The following PTPRZ1 variants were observed in gnomAD, a reference collection of about 807,000 sequenced individuals.
PTPRZ1 encodes protein tyrosine phosphatase receptor type Z1, also known as receptor-type tyrosine-protein phosphatase zeta.
PTPRZ1 carries 82 observed loss-of-function variants against 214.1 expected under a neutral mutation model. The ratio of observed to expected loss-of-function variants is 0.38; its 90% confidence interval spans 0.32 to 0.46. The LOEUF (loss-of-function observed/expected upper bound fraction) is 0.46. PTPRZ1 is among the 20% of genes least tolerant of loss of function. The pLI, the probability that PTPRZ1 is intolerant of heterozygous loss-of-function variation, is 1.00. For missense variants in PTPRZ1, 2,603 were observed against 2,748.7 expected (o/e 0.95, Z 1.19); for synonymous variants, 945 against 987.9 (o/e 0.96, Z 0.81).
Position 121,983,685 on chromosome 7 carries a change from C to G in PTPRZ1, c.640C>G (p.Pro214Ala). 6.2e-7 allele frequency: 1 copy of G among 1,612,630 alleles called. No individual in the cohort carries two copies. The highest frequency in any genetic ancestry group is 8.5e-7 in the Non-Finnish European group (1 of 1,179,552). The change falls in exon 7 of 30, where the codon CCA becomes GCA. Residue 214 changes from proline to alanine, a missense_variant. Pro to Ala is a conservative substitution (Grantham distance 27, BLOSUM62 -1). Around this residue, in one of 6 missense-constraint regions of PTPRZ1, gnomAD observed 244 missense variants for 333.2 expected, o/e 0.73. Coordinates refer to ENST00000393386, the MANE Select transcript of PTPRZ1 (RefSeq NM_002851.3). ...TTTAGGGAAGCAGGCTGCTTTAGAT[C>G]CATTCATACTGTTGAACCTTCTGCC... ...SRFGKQAALD[P>A]FILLNLLPNS...
chr7:121,901,864 A>C (rs2116266469), intron 1 of PTPRZ1, among the ~76,000 whole-genome samples: 1 of 152,348 alleles, frequency 6.6e-6, no homozygotes, highest in East Asian at 1.9e-4. Flanking sequence ...AAAAACATTA[A>C]AAATTCCCTA....
chr7:122,055,912 AATATTT>A (rs1792336729), intron 27 of PTPRZ1, among the ~76,000 whole-genome samples: 1 of 151,934 alleles, frequency 6.6e-6, no homozygotes, highest in Non-Finnish European at 1.5e-5. Context: ...TATCCTCTAG[AATATTT>A]AAATGACCAA....
intron 1 of PTPRZ1, among the ~76,000 whole-genome samples, chr7:121,889,285 G>T (rs1794505411): frequency 6.6e-6 from 1 of 152,018 alleles, no homozygotes; most frequent in Non-Finnish European, 1.5e-5. Flanking sequence ...TGAAGTTTTT[G>T]ATAAGGATAT....
At chr7:121,942,906 A>G (rs1169837477) in intron 2 of PTPRZ1, among the ~76,000 whole-genome samples, 1 of 152,220 alleles carries the variant, frequency 6.6e-6, no homozygotes, top group Non-Finnish European at 1.5e-5. Flanking sequence ...TAAATATTAA[A>G]CTTTGCCAAG....
chr7:122,039,400 CT>C, intron 19 of PTPRZ1, 53 bp from the exon 20 acceptor site: 3 of 1,587,866 alleles, frequency 1.9e-6, no homozygotes, highest in Non-Finnish European at 2.6e-6. Context: ...CAGGGAATGA[CT>C]TTTACATGGA....
rs1410674407 is a variant in PTPRZ1, at chr7:121,911,787, CAT to C, written c.59-16362_59-16361del. On this transcript the variant is annotated intron_variant, in intron 1 of 29. Coordinates refer to ENST00000393386, the MANE Select transcript of PTPRZ1 (RefSeq NM_002851.3). ...ATTTTGGAAACTTTAATTTTATACA[CAT>C]ATATATGAAATATGTTCATATGAAA... Among the ~76,000 whole-genome samples the C allele has an allele frequency of 3.3e-5, 5 of 151,934 alleles. No individual in the cohort carries two copies. In the South Asian group the frequency reaches 1.0e-3, roughly 32 times the overall value.
chr7:121,958,914 C>T (rs1325292311), intron 2 of PTPRZ1, among the ~76,000 whole-genome samples: 1 of 152,142 alleles, frequency 6.6e-6, no homozygotes, highest in Non-Finnish European at 1.5e-5. Context: ...ACCTCCGCCT[C>T]CCAGGTTCAA....
chr7:122,004,394 T>A (rs1798418666), intron 10 of PTPRZ1, among the ~76,000 whole-genome samples: 1 of 152,038 alleles, frequency 6.6e-6, no homozygotes, highest in Non-Finnish European at 1.5e-5. Flanking sequence ...AGATCAAGAT[T>A]TGGGTAGAGT....
At chr7:122,060,798 T>G (rs767228769) in intron 29 of PTPRZ1, among the ~76,000 whole-genome samples, 1 of 152,210 alleles carries the variant, frequency 6.6e-6, no homozygotes, top group Non-Finnish European at 1.5e-5. Context: ...AACAGAACCC[T>G]GTCTCATCAC....
intron 27 of PTPRZ1, among the ~76,000 whole-genome samples, chr7:122,058,506 G>C (rs149926896): frequency 1.3e-5 from 2 of 152,050 alleles, no homozygotes; most frequent in Non-Finnish European, 2.9e-5. Flanking sequence ...ATACATCTTT[G>C]ATACATAGTT....
chr7:122,048,301 A>G (rs1792062345), intron 23 of PTPRZ1, among the ~76,000 whole-genome samples: 1 of 152,154 alleles, frequency 6.6e-6, no homozygotes, highest in Admixed American at 6.5e-5. Flanking sequence ...ATTAAAATAG[A>G]CAAACCTGTG....
Position 122,013,141 on chromosome 7 carries a change from T to C in PTPRZ1, c.4095T>C (p.His1365=). The change falls in exon 12 of 30, where the codon CAT becomes CAC. Residue 1365 remains histidine, a synonymous_variant. Transcript: ENST00000393386. ...VASDTFVSTD[H]SVPIGNGHVA... ...CTGATACATTTGTATCTACTGATCA[T>C]TCTGTTCCTATAGGAAATGGGCATG... 3.1e-6 allele frequency: 5 copies of C among 1,614,050 alleles called. No individual in the cohort carries two copies. The highest frequency in any genetic ancestry group is 4.2e-6 in the Non-Finnish European group (5 of 1,179,864).
At chr7:122,040,289 T>G (rs1343514737) in intron 20 of PTPRZ1, among the ~76,000 whole-genome samples, 1 of 152,154 alleles carries the variant, frequency 6.6e-6, no homozygotes, top group African/African-American at 2.4e-5. Context: ...AATAGAGAGA[T>G]AGAGAGGTTT....
intron 2 of PTPRZ1, among the ~76,000 whole-genome samples, chr7:121,943,551 G>A (rs2116429624): frequency 6.6e-6 from 1 of 152,214 alleles, no homozygotes; most frequent in South Asian, 2.1e-4. Context: ...TGTTAGCCAG[G>A]ATGGTCTCGA....
chr7:122,033,774 A>C (rs1799456212), intron 15 of PTPRZ1: 1 of 302,234 alleles, frequency 3.3e-6, no homozygotes, highest in Admixed American at 4.8e-5. Context: ...ATATTAGCCA[A>C]TCTGACTAAT....
At chr7:122,002,525 A>G (rs1222136645) in intron 10 of PTPRZ1, among the ~76,000 whole-genome samples, 1 of 152,238 alleles carries the variant, frequency 6.6e-6, no homozygotes, top group Admixed American at 6.5e-5. Context: ...AATAGAAACC[A>G]TAATCCCTAT....
intron 1 of PTPRZ1, among the ~76,000 whole-genome samples, chr7:121,876,074 A>C (rs959425195): frequency 6.6e-6 from 1 of 152,250 alleles, no homozygotes; most frequent in African/African-American, 2.4e-5. Context: ...GCAATTAAGA[A>C]TGTCTTAGTG....
intron 1 of PTPRZ1, among the ~76,000 whole-genome samples, chr7:121,889,747 C>G (rs1291912857): frequency 1.3e-5 from 2 of 152,112 alleles, no homozygotes; most frequent in African/African-American, 4.8e-5. Context: ...TCTGCTCCCA[C>G]CATTCCAAAA....
chr7:121,948,503 G>A (rs1156478072), intron 2 of PTPRZ1, among the ~76,000 whole-genome samples: 1 of 152,124 alleles, frequency 6.6e-6, no homozygotes, highest in Non-Finnish European at 1.5e-5. Flanking sequence ...ATAGACAATA[G>A]CTTAGCAAAG....
Sources: gnomAD v4.1 joint callset for allele counts (sites outside exome capture counted in the v4.1 genomes callset) on GRCh38, gnomAD v4.1.1 for gene constraint, gnomAD v4.1.1 regional missense constraint, MANE v1.5 for transcripts, NCBI Gene and HGNC (gene_info 2026-07-23, HGNC 2026-07-21) for gene names.